The following SLC6A4 variants were observed in gnomAD, a reference collection of about 807,000 sequenced individuals.
The protein encoded by SLC6A4 is solute carrier family 6 member 4.
In SLC6A4, 22 loss-of-function variants were observed where a neutral mutation model predicts 73.4. That is an observed-to-expected ratio of 0.30 (90% CI 0.21 to 0.43). The LOEUF is 0.43. SLC6A4 is among the 20% of genes least tolerant of loss of function. The pLI, the probability that SLC6A4 is intolerant of heterozygous loss-of-function variation, is 1.00. For synonymous variants in SLC6A4, 270 were observed against 315.5 expected (o/e 0.86, Z 1.53); for missense variants, 593 against 808.5 (o/e 0.73, Z 3.23).
At chr17:30,201,866 G>A (rs1906046492) in intron 14 of SLC6A4, among the ~76,000 whole-genome samples, 1 of 152,220 alleles carries the variant, frequency 6.6e-6, no homozygotes, top group Non-Finnish European at 1.5e-5. Context: ...CAGCACTTTG[G>A]GAAGCTGAGG....
chr17:30,231,682 T>C (rs1184263951), intron 1 of SLC6A4, among the ~76,000 whole-genome samples: 1 of 152,202 alleles, frequency 6.6e-6, no homozygotes, highest in African/African-American at 2.4e-5. Flanking sequence ...GATTTTTCAG[T>C]TGAAAATTTT....
At chr17:30,203,053 T>C in intron 14 of SLC6A4, 119 bp downstream of exon 14, 1 of 789,252 alleles carries the variant, frequency 1.3e-6, no homozygotes, top group Non-Finnish European at 2.1e-6. Flanking sequence ...TACATACATA[T>C]ATAGGGTTGC....
rs761852274 is a variant in SLC6A4, at chr17:30,217,255, C to T, written c.748G>A (p.Gly250Ser). The T allele has an allele frequency of 1.2e-6, 2 of 1,614,090 alleles. No homozygotes were observed. Among genetic ancestry groups the T allele is most frequent in the Non-Finnish European group, 8.5e-7 (1 of 1,179,948 alleles). The change falls in exon 6 of 15, where the codon GGC (glycine) becomes AGC (serine). Residue 250 changes from glycine (G) to serine (S), a missense_variant. Transcript: ENST00000650711. ...HRSKGLQDLG[G>S]ISWQLALCIM... ...CAGAGGGCCAGCTGCCAGCTGATGC[C>T]CCCCAGGTCCTGGAGCCCCTTAGAC...
At chr17:30,209,464 G>A (rs1355571889) in intron 11 of SLC6A4, among the ~76,000 whole-genome samples, 2 of 152,154 alleles carry the variant, frequency 1.3e-5, no homozygotes, top group South Asian at 2.1e-4. Context: ...CTGAGGTCAG[G>A]AGTTTGAGAC....
At position 30,217,207 on chromosome 17, in the gene SLC6A4, T is replaced by C. The variant is rs142071015; in HGVS notation, c.796A>G (p.Ile266Val). The change falls in exon 6 of 15, where the codon ATC becomes GTC. Residue 266 changes from isoleucine (I) to valine (V), a missense_variant. By Grantham distance (29) the Ile-to-Val change is conservative. Transcript: ENST00000650711. ...ALCIMLIFTV[I>V]YFSIWKGVKT... ...ACGCCTTTCCAGATGCTGAAGTAGATAACAGTGAAGATCAGCATGATGCAG... is the reference window on the plus strand; with the variant it reads ...ACGCCTTTCCAGATGCTGAAGTAGACAACAGTGAAGATCAGCATGATGCAG... 18 of 1,614,004 alleles carry C rather than the reference T, an allele frequency of 1.1e-5. No homozygotes were observed. The highest frequency in any genetic ancestry group is 1.5e-5 in the Non-Finnish European group (18 of 1,179,928).
intron 14 of SLC6A4, among the ~76,000 whole-genome samples, chr17:30,200,324 G>A (rs917244277): frequency 6.6e-5 from 10 of 152,184 alleles, no homozygotes; most frequent in Non-Finnish European, 1.0e-4. Flanking sequence ...GGCCCTGCCT[G>A]GCCTTCTGCA....
Position 30,216,263 on chromosome 17 carries a change from G to A in SLC6A4, c.838-47C>T. 4.7e-6 allele frequency: 4 copies of A among 844,580 alleles called. 1 individual carries two copies. Among genetic ancestry groups the A allele is most frequent in the Non-Finnish European group, 6.9e-6 (4 of 581,070 alleles). The allele number at this position is 844,580 out of a possible 1,614,324, so 52.3% of individuals were successfully genotyped here. ...ACCATGCTGTTCCAGGGAGGGGAGG[G>A]GAGGGGAGGGGAGAAGGAGAAGGGA... On this transcript the variant is annotated intron_variant, in intron 6 of 14. Transcript: ENST00000650711.
At chr17:30,231,826 C>T (rs1013459235) in intron 1 of SLC6A4, among the ~76,000 whole-genome samples, 3 of 152,168 alleles carry the variant, frequency 2.0e-5, no homozygotes, top group Non-Finnish European at 4.4e-5. Context: ...CGGCCCAGCT[C>T]CCCAACTCTG....
intron 12 of SLC6A4, 151 bp downstream of exon 12, chr17:30,208,992 G>A (rs757443808): frequency 7.5e-5 from 35 of 467,114 alleles, no homozygotes; most frequent in Non-Finnish European, 8.8e-5. Context: ...GTGAGCCACC[G>A]CGCCTGGCCG....
intron 1 of SLC6A4, among the ~76,000 whole-genome samples, chr17:30,231,157 C>T (rs995055384): frequency 3.3e-5 from 5 of 151,972 alleles, no homozygotes; most frequent in Non-Finnish European, 7.4e-5. Context: ...ATGAAAATGG[C>T]GCTGTGGTTA....
chr17:30,208,321 C>T (rs1397474570), intron 12 of SLC6A4, among the ~76,000 whole-genome samples: 1 of 152,156 alleles, frequency 6.6e-6, no homozygotes, highest in Non-Finnish European at 1.5e-5. Context: ...ACACTGGAAA[C>T]TTTCAAGGGA....
chr17:30,215,872 A>G (rs1376921310), intron 7 of SLC6A4, among the ~76,000 whole-genome samples, 158 bp from the exon 8 acceptor site: 1 of 152,174 alleles, frequency 6.6e-6, no homozygotes, highest in African/African-American at 2.4e-5. Context: ...CCAAGTGCCA[A>G]CAAATGTGAT....
At chr17:30,220,561 C>A (rs1906715005) in intron 3 of SLC6A4, among the ~76,000 whole-genome samples, 1 of 152,214 alleles carries the variant, frequency 6.6e-6, no homozygotes, top group Non-Finnish European at 1.5e-5. Context: ...TAATGTCATG[C>A]TGTGGATCTA....
chr17:30,232,276 C>T lies in SLC6A4; in HGVS notation c.-221+3337G>A, dbSNP rs1027177277. On this transcript the variant is annotated intron_variant, in intron 1 of 14. Coordinates refer to ENST00000650711, the MANE Select transcript of SLC6A4 (RefSeq NM_001045.6). Reference sequence around the variant, plus strand: ...AAAGCACACAATGGGTTCGCTGTGTCCCCAGCTTTGCTGAGAAGTGCTCGC... The same window carrying T: ...AAAGCACACAATGGGTTCGCTGTGTTCCCAGCTTTGCTGAGAAGTGCTCGC... 3.9e-5 allele frequency among the ~76,000 whole-genome samples: 6 copies of T among 152,222 alleles called. No homozygotes were observed. The South Asian group carries it at 1.2e-3, about 31-fold the overall frequency.
intron 13 of SLC6A4, among the ~76,000 whole-genome samples, chr17:30,206,921 G>C (rs975351397): frequency 6.6e-6 from 1 of 151,662 alleles, no homozygotes; most frequent in African/African-American, 2.4e-5. Flanking sequence ...GGCCAGGCTG[G>C]TCTTGAACTC....
At chr17:30,204,868 G>T (rs1567815763) in intron 13 of SLC6A4, among the ~76,000 whole-genome samples, 1 of 152,052 alleles carries the variant, frequency 6.6e-6, no homozygotes, top group African/African-American at 2.4e-5. Context: ...AAAGCTGCAC[G>T]TGGGTTTTCC....
At chr17:30,218,648 AC>A in intron 4 of SLC6A4, 148 bp downstream of exon 4, 1 of 775,116 alleles carries the variant, frequency 1.3e-6, no homozygotes, top group Non-Finnish European at 2.1e-6. Flanking sequence ...CACACCACTT[AC>A]GCAGTCAAAA....
At chr17:30,199,444 G>T (rs1394176013) in intron 14 of SLC6A4, among the ~76,000 whole-genome samples, 2 of 152,136 alleles carry the variant, frequency 1.3e-5, no homozygotes, top group African/African-American at 4.8e-5. Context: ...AGCATCCTTT[G>T]ATTTACTGAT....
In SLC6A4 at chr17:30,198,438, T is replaced by C. The variant is rs1400120089; in HGVS notation, c.*18A>G. On this transcript the variant is annotated 3_prime_UTR_variant, in exon 15 of 15. Coordinates refer to ENST00000650711, the MANE Select transcript of SLC6A4 (RefSeq NM_001045.6). Reference sequence around the variant, plus strand: ...AGGAGGAGGTTGTGGAGAAGCCTTTTTCCTCTCGGTGAGTGTGTTACACAG... The same window carrying C: ...AGGAGGAGGTTGTGGAGAAGCCTTTCTCCTCTCGGTGAGTGTGTTACACAG... The C allele has an allele frequency of 2.0e-6, 3 of 1,521,800 alleles. No homozygotes were observed. Among genetic ancestry groups the C allele is most frequent in the Non-Finnish European group, 2.7e-6 (3 of 1,105,584 alleles). 94.3% of individuals were successfully genotyped at this position (1,521,800 alleles called of 1,614,324 possible).
Sources: allele counts gnomAD v4.1 joint callset (sites outside exome capture counted in the v4.1 genomes callset), GRCh38; gene constraint gnomAD v4.1.1; transcripts MANE v1.5; gene names NCBI Gene and HGNC (gene_info 2026-07-23, HGNC 2026-07-21).